SIAH3: variants seen among roughly 807,000 people sequenced by gnomAD.
SIAH3 encodes the protein siah E3 ubiquitin protein ligase family member 3.
Under a neutral mutation model 12.6 loss-of-function variants are expected in SIAH3, and 9 were observed. The ratio of observed to expected loss-of-function variants is 0.72; its 90% CI spans 0.43 to 1.25. The LOEUF (loss-of-function observed/expected upper bound fraction) is 1.25, where lower values mean the gene tolerates loss of function less well. SIAH3 is among the 50% of genes most tolerant of loss of function. The probability of loss-of-function intolerance (pLI) is 0.00; values close to 1 mark genes in which losing one functional copy is unlikely to be tolerated. For missense variants in SIAH3, 390 were observed against 365.4 expected, an observed-to-expected ratio of 1.07 and a Z score of -0.55; for synonymous variants, 154 against 151.1, an observed-to-expected ratio of 1.02 and a Z score of -0.14.
intron 1 of SIAH3, among the ~76,000 whole-genome samples, chr13:45,818,155 C>T (rs952523287): frequency 3.3e-5 from 5 of 152,184 alleles, no homozygotes; most frequent in Admixed American, 3.3e-4. Flanking sequence ...GAGACTGCAG[C>T]CCACCTGCCC....
rs1210066625 is a variant in SIAH3, at chr13:45,783,605, G to C, written c.588C>G (p.Ala196=). ...GCTCCAGGCGATAGGTGAAGCAGTC[G>C]GCCTGGGTGGGGGTCCCAATCAGCA... ...TMMLIGTPTQ[A]DCFTYRLELN... The change falls in exon 2 of 2, where the codon GCC becomes GCG. Residue 196 remains alanine, a synonymous_variant. Coordinates refer to ENST00000400405, the MANE Select transcript of SIAH3 (RefSeq NM_198849.3). The C allele has an allele frequency of 6.2e-7, 1 of 1,614,174 alleles. No homozygotes were observed. The highest frequency in any genetic ancestry group is 1.7e-5 in the Admixed American group (1 of 60,018).
At chr13:45,784,398 G>GTTTTTTTT (rs35686357) in intron 1 of SIAH3, among the ~76,000 whole-genome samples, 99 of 65,658 alleles carry the variant, frequency 1.5e-3, no homozygotes, top group Non-Finnish European at 1.6e-3. Context: ...AAAGACAGCT[G>GTTTTTTTT]TTTTTTTTTT....
At chr13:45,833,479 GCA>G (rs1161932000) in intron 1 of SIAH3, among the ~76,000 whole-genome samples, 1 of 145,170 alleles carries the variant, frequency 6.9e-6, no homozygotes, top group East Asian at 2.2e-4. Context: ...ACACACACAT[GCA>G]CACACACACA....
At chr13:45,847,706 G>T (rs756528433) in intron 1 of SIAH3, among the ~76,000 whole-genome samples, 1 of 151,948 alleles carries the variant, frequency 6.6e-6, no homozygotes, top group African/African-American at 2.4e-5. Flanking sequence ...GGTGGTGCAG[G>T]CACAGGTTGG....
At chr13:45,822,016 G>A (rs370541540) in intron 1 of SIAH3, among the ~76,000 whole-genome samples, 88 of 152,244 alleles carry the variant, frequency 5.8e-4, no homozygotes, top group Non-Finnish European at 1.1e-3. Context: ...GTGGGTCCCC[G>A]GCAGGACTAT....
At chr13:45,792,141 G>C (rs1397860949) in intron 1 of SIAH3, among the ~76,000 whole-genome samples, 1 of 152,134 alleles carries the variant, frequency 6.6e-6, no homozygotes, top group East Asian at 1.9e-4. Flanking sequence ...CTCTTTCTGG[G>C]ATCCATCTTC....
intron 1 of SIAH3, among the ~76,000 whole-genome samples, chr13:45,790,390 C>G (rs1950542133): frequency 6.6e-6 from 1 of 152,106 alleles, no homozygotes; most frequent in Non-Finnish European, 1.5e-5. Flanking sequence ...GTCCTATGAT[C>G]TCAAAAGCCT....
chr13:45,828,372 A>G lies in SIAH3; in HGVS notation c.135+23123T>C, dbSNP rs566886586. Among the ~76,000 whole-genome samples, 4 of 152,288 alleles carry G rather than the reference A, an allele frequency of 2.6e-5. No individual in the cohort carries two copies. In the East Asian group the frequency reaches 5.8e-4, roughly 22 times the overall value. On this transcript the variant is annotated intron_variant, in intron 1 of 1. Coordinates refer to ENST00000400405, the MANE Select transcript of SIAH3 (RefSeq NM_198849.3). Reference sequence around the variant, plus strand: ...CTTTATTCTGATGATCTTCACCCCAACGGTGCCTGTCCTTAGCAGGCACCA... The same window carrying G: ...CTTTATTCTGATGATCTTCACCCCAGCGGTGCCTGTCCTTAGCAGGCACCA...
At chr13:45,796,881 T>C (rs1593377344) in intron 1 of SIAH3, among the ~76,000 whole-genome samples, 1 of 152,294 alleles carries the variant, frequency 6.6e-6, no homozygotes, top group Admixed American at 6.5e-5. Flanking sequence ...GGTGTTTTAT[T>C]GACTCTAAAT....
At position 45,843,119 on chromosome 13, in the gene SIAH3, A is replaced by C. The variant is rs865980875; in HGVS notation, c.135+8376T>G. Among the ~76,000 whole-genome samples, 8 of 150,846 alleles carry C rather than the reference A, an allele frequency of 5.3e-5. No homozygotes were observed. The Middle Eastern group carries it at 0.024, about 455-fold the overall frequency. The stretch of plus-strand genomic sequence containing the variant: ...CCTAGGGCTTAGCTCATTCATGTTT[A>C]ATTTTCTGATGACAGTGGGATCTAG... On this transcript the variant is annotated intron_variant, in intron 1 of 1. Coordinates refer to ENST00000400405, the MANE Select transcript of SIAH3 (RefSeq NM_198849.3).
At chr13:45,826,268 C>T (rs1220774586) in intron 1 of SIAH3, among the ~76,000 whole-genome samples, 2 of 152,170 alleles carry the variant, frequency 1.3e-5, no homozygotes, top group Non-Finnish European at 2.9e-5. Flanking sequence ...TTCACTAATA[C>T]ATCTTCAAAG....
intron 1 of SIAH3, among the ~76,000 whole-genome samples, chr13:45,832,041 A>G (rs1950701166): frequency 6.6e-6 from 1 of 152,138 alleles, no homozygotes; most frequent in Admixed American, 6.5e-5. Context: ...GATGAGTGCT[A>G]GGGAGAGCCA....
chr13:45,851,714 GAC>G lies in SIAH3; in HGVS notation c.-87_-86del. The stretch of plus-strand genomic sequence containing the variant: ...GCCCTGGAAGGAGCGCAGCCTCTGA[GAC>G]ACTCCGCTCCAGCCCGGCTTAGCGC... On this transcript the variant is annotated 5_prime_UTR_variant, in exon 1 of 2. Coordinates refer to ENST00000400405, the MANE Select transcript of SIAH3 (RefSeq NM_198849.3). 6.4e-7 allele frequency: 1 copy of G among 1,564,962 alleles called. No homozygotes were observed. Among genetic ancestry groups the G allele is most frequent in the Non-Finnish European group, 8.7e-7 (1 of 1,143,656 alleles).
intron 1 of SIAH3, among the ~76,000 whole-genome samples, chr13:45,787,404 A>G (rs946121757): frequency 4.2e-4 from 64 of 152,138 alleles, no homozygotes; most frequent in Admixed American, 2.3e-3. Flanking sequence ...CCTTGTTCCT[A>G]TCCTGCCTCA....
intron 1 of SIAH3, among the ~76,000 whole-genome samples, chr13:45,792,464 T>G (rs1360898070): frequency 1.3e-5 from 2 of 151,794 alleles, no homozygotes; most frequent in Non-Finnish European, 2.9e-5. Context: ...TTCATGCAAT[T>G]CTCCTGCCTC....
At chr13:45,800,674 G>A (rs571382954) in intron 1 of SIAH3, among the ~76,000 whole-genome samples, 2 of 152,324 alleles carry the variant, frequency 1.3e-5, no homozygotes, top group African/African-American at 4.8e-5. Flanking sequence ...GGTTTTAACA[G>A]TGGCATAAAA....
chr13:45,822,182 G>C (rs1344188716), intron 1 of SIAH3, among the ~76,000 whole-genome samples: 1 of 152,072 alleles, frequency 6.6e-6, no homozygotes, highest in African/African-American at 2.4e-5. Context: ...GAAGACACTG[G>C]GGTCTCAATG....
chr13:45,816,969 C>T (rs371717913), intron 1 of SIAH3, among the ~76,000 whole-genome samples: 16 of 152,300 alleles, frequency 1.1e-4, no homozygotes, highest in South Asian at 4.1e-4. Context: ...GGGATGCATC[C>T]TGCATCCTGT....
intron 1 of SIAH3, among the ~76,000 whole-genome samples, chr13:45,825,679 C>T (rs960327109): frequency 1.3e-5 from 2 of 152,226 alleles, no homozygotes; most frequent in Non-Finnish European, 2.9e-5. Context: ...TTACTTGGGA[C>T]AGTACTTTCT....
Sources: allele counts gnomAD v4.1 joint callset (sites outside exome capture counted in the v4.1 genomes callset), GRCh38; gene constraint gnomAD v4.1.1; transcripts MANE v1.5; gene names NCBI Gene and HGNC (gene_info 2026-07-23, HGNC 2026-07-21).